The following BTBD9 variants were observed in gnomAD, a reference collection of about 807,000 sequenced individuals.
BTBD9 encodes BTB/POZ domain-containing protein 9.
Under a neutral mutation model 64.3 loss-of-function variants are expected in BTBD9, and 49 were observed. That is an observed-to-expected ratio of 0.76 (90% CI 0.61 to 0.97). The LOEUF (loss-of-function observed/expected upper bound fraction) is 0.97. Ranked by LOEUF, BTBD9 falls within the 50% of genes least tolerant of loss-of-function variation. BTBD9 has a pLI of 0.00. For missense variants in BTBD9, 598 were observed against 762.1 expected, an observed-to-expected ratio of 0.78 and a Z score of 2.53; for synonymous variants, 260 against 274.7, an observed-to-expected ratio of 0.95 and a Z score of 0.53.
At chr6:38,219,469 T>C (rs1311750049) in intron 9 of BTBD9, among the ~76,000 whole-genome samples, 1 of 152,016 alleles carries the variant, frequency 6.6e-6, no homozygotes, top group Non-Finnish European at 1.5e-5. Flanking sequence ...GACTAAATAC[T>C]CTCTCTTTAC....
intron 6 of BTBD9, among the ~76,000 whole-genome samples, chr6:38,411,493 C>T (rs540966407): frequency 3.3e-5 from 5 of 152,028 alleles, no homozygotes; most frequent in Admixed American, 6.6e-5. Flanking sequence ...GATGGCCATA[C>T]GGAAAAAGAT....
chr6:38,177,406 CCTT>C (rs1269152440), intron 10 of BTBD9, among the ~76,000 whole-genome samples: 2 of 152,364 alleles, frequency 1.3e-5, no homozygotes, highest in Non-Finnish European at 2.9e-5. Context: ...CTGCCTGCCT[CCTT>C]CTACTGATCT....
At chr6:38,604,924 T>C (rs1329941584) in intron 1 of BTBD9, among the ~76,000 whole-genome samples, 2 of 152,194 alleles carry the variant, frequency 1.3e-5, no homozygotes, top group African/African-American at 4.8e-5. Flanking sequence ...GGCTAGACTC[T>C]TAGGCTCAAG....
chr6:38,570,932 A>C (rs1261337025), intron 6 of BTBD9, among the ~76,000 whole-genome samples: 1 of 152,234 alleles, frequency 6.6e-6, no homozygotes, highest in East Asian at 1.9e-4. Flanking sequence ...AATTCTCTTT[A>C]GCTTCGAGTA....
At chr6:38,179,082 A>C (rs1182166732) in intron 10 of BTBD9, among the ~76,000 whole-genome samples, 1 of 151,986 alleles carries the variant, frequency 6.6e-6, no homozygotes, top group Non-Finnish European at 1.5e-5. Flanking sequence ...TGATCTCTTG[A>C]CCTCATGATC....
chr6:38,197,313 G>C (rs577426321), intron 9 of BTBD9, among the ~76,000 whole-genome samples: 7 of 152,354 alleles, frequency 4.6e-5, no homozygotes, highest in African/African-American at 1.7e-4. Flanking sequence ...TCAGGATAGA[G>C]TCAGCAATAG....
intron 6 of BTBD9, among the ~76,000 whole-genome samples, chr6:38,421,416 A>C (rs1177268101): frequency 6.6e-6 from 1 of 152,184 alleles, no homozygotes; most frequent in Non-Finnish European, 1.5e-5. Context: ...TATTTAGAAG[A>C]CAAGATTATT....
chr6:38,309,450 A>C (rs1762747292), intron 7 of BTBD9, among the ~76,000 whole-genome samples: 1 of 151,224 alleles, frequency 6.6e-6, no homozygotes, highest in Non-Finnish European at 1.5e-5. Flanking sequence ...TTGAGATGGA[A>C]TCTCTCTCTG....
At position 38,374,314 on chromosome 6, in the gene BTBD9, T is replaced by TATATATATATAC. The variant is rs1765587983; in HGVS notation, c.1155-29222_1155-29221insGTATATATATAT. Among the ~76,000 whole-genome samples, 4 of 116,892 alleles carry TATATATATATAC rather than the reference T, an allele frequency of 3.4e-5. 1 individual carries two copies. Among genetic ancestry groups the TATATATATATAC allele is most frequent in the East Asian group, 2.3e-4 (1 of 4,280 alleles). 76.7% of individuals were successfully genotyped at this position (116,892 alleles called of 152,430 possible). A position where few individuals can be genotyped will look rare whatever the true frequency, so the allele number is the denominator to read the frequency against. On this transcript the variant is annotated intron_variant, in intron 6 of 10. Transcript: ENST00000481247. ...ATATATATGTATATATATGTATATA[T>TATATATATATAC]ATATATATATATGTATATAAAATCT...
chr6:38,516,592 G>A (rs1773038223), intron 6 of BTBD9, among the ~76,000 whole-genome samples: 1 of 152,142 alleles, frequency 6.6e-6, no homozygotes, highest in African/African-American at 2.4e-5. Context: ...TGCTAGGAAG[G>A]TCCAAATGCT....
rs906698861 is a variant in BTBD9, at chr6:38,184,288, G to C, written c.1641+8231C>G. ...CCCGCTGGGCTTGACTATCCCGGCT[G>C]TCCCTGCACTGCCTCCTCTCTGGCC... On this transcript the variant is annotated intron_variant, in intron 10 of 10. Transcript: ENST00000481247. The surrounding 1 kb of genome is among the most constrained non-coding windows in gnomAD (Gnocchi z 4.4). Among the ~76,000 whole-genome samples the C allele has an allele frequency of 6.6e-6, 1 of 152,200 alleles. No homozygotes were observed. The highest frequency in any genetic ancestry group is 2.4e-5 in the African/African-American group (1 of 41,450).
chr6:38,484,207 G>C (rs1771295563), intron 6 of BTBD9, among the ~76,000 whole-genome samples: 1 of 152,170 alleles, frequency 6.6e-6, no homozygotes, highest in Non-Finnish European at 1.5e-5. Context: ...AGTGCACAGG[G>C]AAATCAGACC....
chr6:38,524,548 T>C (rs1048054420), intron 6 of BTBD9, among the ~76,000 whole-genome samples: 1 of 152,182 alleles, frequency 6.6e-6, no homozygotes, highest in Non-Finnish European at 1.5e-5. Flanking sequence ...TTATAGAACA[T>C]GATTTTAATG....
At chr6:38,306,189 C>T (rs914476864) in intron 7 of BTBD9, among the ~76,000 whole-genome samples, 1 of 152,200 alleles carries the variant, frequency 6.6e-6, no homozygotes, top group Non-Finnish European at 1.5e-5. Context: ...ATTAAAAACA[C>T]CATCTGGATG....
intron 9 of BTBD9, among the ~76,000 whole-genome samples, chr6:38,194,155 G>T (rs1428946541): frequency 2.0e-5 from 3 of 152,170 alleles, no homozygotes; most frequent in Non-Finnish European, 4.4e-5. Flanking sequence ...GGGCCGGCAG[G>T]GGAGCCTGCA....
At chr6:38,222,132 T>C (rs1048032259) in intron 9 of BTBD9, among the ~76,000 whole-genome samples, 16 of 152,224 alleles carry the variant, frequency 1.1e-4, no homozygotes, top group African/African-American at 3.6e-4. Context: ...TTATCATGAA[T>C]TGGGTATGTT....
chr6:38,557,346 A>AAAAT lies in BTBD9; in HGVS notation c.1154+20250_1154+20253dup, dbSNP rs527460282. Among the ~76,000 whole-genome samples, 672 of 152,242 alleles carry AAAAT rather than the reference A, an allele frequency of 4.4e-3. 2 individuals carry two copies. Among genetic ancestry groups the AAAAT allele is most frequent in the Non-Finnish European group, 6.5e-3 (445 of 68,016 alleles). On this transcript the variant is annotated intron_variant, in intron 6 of 10. Transcript: ENST00000481247. Reference sequence around the variant, plus strand: ...GGCGACAAGAGCAAGACTCAGTCTCAAAATAAATAAATAAATAAATAATAA... The same window carrying AAAAT: ...GGCGACAAGAGCAAGACTCAGTCTCAAAATAAATAAATAAATAAATAAATAATAA...
intron 6 of BTBD9, among the ~76,000 whole-genome samples, chr6:38,381,395 C>T (rs1765927472): frequency 6.6e-6 from 1 of 152,080 alleles, no homozygotes; most frequent in South Asian, 2.1e-4. Context: ...AAAAGGTTCA[C>T]TTAATTATAA....
chr6:38,450,209 A>T (rs1322787682), intron 6 of BTBD9, among the ~76,000 whole-genome samples: 1 of 152,242 alleles, frequency 6.6e-6, no homozygotes, highest in Non-Finnish European at 1.5e-5. Context: ...AATCTAAAAA[A>T]GTTGATCATA....
Sources: allele counts gnomAD v4.1 joint callset (sites outside exome capture counted in the v4.1 genomes callset), GRCh38; gene constraint gnomAD v4.1.1; non-coding constraint Gnocchi (gnomAD v3.1); transcripts MANE v1.5; gene names NCBI Gene and HGNC (gene_info 2026-07-23, HGNC 2026-07-21).